DIAPH2: variants seen among roughly 807,000 people sequenced by gnomAD.
DIAPH2 encodes the protein diaphanous related formin 2, also known as protein diaphanous homolog 2.
In DIAPH2, 35 loss-of-function variants were observed where a neutral mutation model predicts 92.7. That is an observed-to-expected ratio of 0.38 (90% CI 0.29 to 0.50). The LOEUF (loss-of-function observed/expected upper bound fraction) is 0.50, where lower values mean the gene tolerates loss of function less well. DIAPH2 is among the 20% of genes least tolerant of loss of function. The pLI is 0.94. For synonymous variants in DIAPH2, 301 were observed against 280.4 expected (o/e 1.07, Z -0.73); for missense variants, 701 against 819.5 (o/e 0.86, Z 1.77).
chrX:96,818,606 T>G (rs1939648323), intron 4 of DIAPH2, among the ~76,000 whole-genome samples: 1 of 112,365 alleles, frequency 8.9e-6, no homozygotes, highest in African/African-American at 3.2e-5. Context: ...ACATTTGAAG[T>G]GCTCAGTAGC....
At chrX:96,834,449 T>G (rs1245607103) in intron 4 of DIAPH2, among the ~76,000 whole-genome samples, 2 of 112,077 alleles carry the variant, frequency 1.8e-5, no homozygotes, top group African/African-American at 6.5e-5. Context: ...AGGTGTCATA[T>G]TCTCCCTTTC....
intron 1 of DIAPH2, among the ~76,000 whole-genome samples, chrX:96,727,743 G>T (rs73250723): frequency 0.056 from 6,253 of 111,493 alleles, 195 homozygotes; most frequent in Middle Eastern, 0.17. Flanking sequence ...GACAGTTAAG[G>T]TCTCTACTGT....
chrX:96,815,980 A>T (rs34993905), intron 4 of DIAPH2, among the ~76,000 whole-genome samples: 32,375 of 108,394 alleles, frequency 0.3, 3,438 homozygotes, highest in Admixed American at 0.38. Context: ...CTGAACAACA[A>T]CTCTTGTATT....
At chrX:97,367,724 T>G (rs1289038058) in intron 24 of DIAPH2, among the ~76,000 whole-genome samples, 10 of 105,445 alleles carry the variant, frequency 9.5e-5, no homozygotes, top group African/African-American at 3.1e-4. Context: ...TTTTTTGAGA[T>G]GGAGTTTCTC....
chrX:97,515,215 C>T (rs1414251929), intron 26 of DIAPH2, among the ~76,000 whole-genome samples: 1 of 112,500 alleles, frequency 8.9e-6, no homozygotes, highest in Non-Finnish European at 1.9e-5. Context: ...TCTCGTGGTG[C>T]ACCGTTTTTT....
intron 4 of DIAPH2, among the ~76,000 whole-genome samples, chrX:96,792,842 T>G (rs1170029442): frequency 8.9e-6 from 1 of 112,191 alleles, no homozygotes; most frequent in Non-Finnish European, 1.9e-5. Context: ...AGTTGGTTTG[T>G]TCATTTTGAT....
chrX:96,811,519 T>G (rs2064680705), intron 4 of DIAPH2, among the ~76,000 whole-genome samples: 1 of 111,742 alleles, frequency 8.9e-6, no homozygotes, highest in African/African-American at 3.3e-5. Flanking sequence ...TTCTTTCTCC[T>G]GCCTAATTGT....
chrX:97,174,540 T>C (rs2147456428), intron 22 of DIAPH2, among the ~76,000 whole-genome samples: 1 of 111,739 alleles, frequency 8.9e-6, no homozygotes, highest in South Asian at 3.7e-4. Context: ...TTGTTGTAGA[T>C]ATTAATGGGA....
chrX:97,307,637 G>A lies in DIAPH2; in HGVS notation c.2845-40479G>A, dbSNP rs146141266. ...ATGTAAGAAATCATAGGCTGGGTGC[G>A]GTGGCTCACTCCTATAATCCCAGCA... On this transcript the variant is annotated intron_variant, in intron 23 of 26. Transcript: ENST00000324765. Among the ~76,000 whole-genome samples, 144 of 110,943 alleles carry A rather than the reference G, an allele frequency of 1.3e-3. 1 individual carries two copies. In the East Asian group the frequency reaches 0.014, roughly 11 times the overall value.
At chrX:96,796,577 G>A (rs2064541385) in intron 4 of DIAPH2, among the ~76,000 whole-genome samples, 1 of 111,384 alleles carries the variant, frequency 9.0e-6, no homozygotes, top group East Asian at 2.8e-4. Flanking sequence ...TTGATCTCAT[G>A]TATTGGCATA....
chrX:97,014,786 C>T (rs1310516100), intron 17 of DIAPH2, among the ~76,000 whole-genome samples: 3 of 111,796 alleles, frequency 2.7e-5, no homozygotes, highest in South Asian at 3.7e-4. Flanking sequence ...TCTCAGGTTC[C>T]TTATCTGTTA....
intron 23 of DIAPH2, among the ~76,000 whole-genome samples, chrX:97,331,315 A>C (rs1399469301): frequency 1.8e-5 from 2 of 112,221 alleles, no homozygotes; most frequent in African/African-American, 6.5e-5. Context: ...TTTCAGAGTT[A>C]AATAATGCAG....
chrX:97,280,424 G>C (rs1389604730), intron 23 of DIAPH2, among the ~76,000 whole-genome samples: 1 of 111,128 alleles, frequency 9.0e-6, no homozygotes, highest in East Asian at 2.8e-4. Context: ...AGTGAGCCGA[G>C]ATCGTGCCAC....
At chrX:97,240,474 C>T (rs914201266) in intron 22 of DIAPH2, among the ~76,000 whole-genome samples, 4 of 109,773 alleles carry the variant, frequency 3.6e-5, no homozygotes, top group East Asian at 2.9e-4. Context: ...GGCGTGGTGG[C>T]GGGCGCCTGT....
intron 17 of DIAPH2, among the ~76,000 whole-genome samples, chrX:96,976,300 A>G (rs2065961634): frequency 9.1e-6 from 1 of 110,047 alleles, no homozygotes; most frequent in Non-Finnish European, 1.9e-5. Context: ...AGAAAAAAAA[A>G]AACAAGAAAT....
At chrX:97,258,864 C>A (rs2068263306) in intron 23 of DIAPH2, among the ~76,000 whole-genome samples, 1 of 68,423 alleles carries the variant, frequency 1.5e-5, no homozygotes. Flanking sequence ...GAGCGAGACT[C>A]CGTCTCAAAA....
chrX:96,889,660 A>G (rs2065294005), intron 5 of DIAPH2, among the ~76,000 whole-genome samples: 1 of 111,594 alleles, frequency 9.0e-6, no homozygotes, highest in African/African-American at 3.3e-5. Flanking sequence ...AATTCAGACA[A>G]TTTTTTTAAA....
intron 20 of DIAPH2, among the ~76,000 whole-genome samples, chrX:97,101,171 T>C (rs2147364659): frequency 9.0e-6 from 1 of 111,219 alleles, no homozygotes; most frequent in East Asian, 2.8e-4. Flanking sequence ...GAAGCAAGGG[T>C]ATATACCCTC....
intron 22 of DIAPH2, among the ~76,000 whole-genome samples, chrX:97,188,810 T>C (rs2067628003): frequency 8.9e-6 from 1 of 112,411 alleles, no homozygotes; most frequent in Non-Finnish European, 1.9e-5. Context: ...TGGTTTATTA[T>C]GGTAATAGAA....
Sources: gnomAD v4.1 joint callset for allele counts (sites outside exome capture counted in the v4.1 genomes callset) on GRCh38, gnomAD v4.1.1 for gene constraint, MANE v1.5 for transcripts, NCBI Gene and HGNC (gene_info 2026-07-23, HGNC 2026-07-21) for gene names.